Variants in GASK1B observed in about 807,000 individuals in gnomAD.
The protein encoded by GASK1B is golgi associated kinase 1B, also known as Golgi-associated kinase 1B.
A neutral mutation model predicts 42.8 loss-of-function variants in GASK1B; 34 were observed. The observed-to-expected ratio is 0.79, with a 90% CI of 0.60 to 1.06. GASK1B has a LOEUF of 1.06. GASK1B is among the 50% of genes least tolerant of loss of function. GASK1B has a pLI of 0.00. For missense variants in GASK1B, 686 were observed against 661.0 expected, an observed-to-expected ratio of 1.04 and a Z score of -0.42; for synonymous variants, 262 against 259.1, an observed-to-expected ratio of 1.01 and a Z score of -0.11.
At chr4:158,153,853 A>C (rs1731654114) in intron 3 of GASK1B, among the ~76,000 whole-genome samples, 1 of 152,142 alleles carries the variant, frequency 6.6e-6, no homozygotes, top group Non-Finnish European at 1.5e-5. Flanking sequence ...ACAAAAATCA[A>C]CTCAAGATGG....
In GASK1B at chr4:158,130,706, G is replaced by A. The variant is rs1730641387; in HGVS notation, c.1352+80C>T. The A allele has an allele frequency of 5.8e-6, 6 of 1,039,288 alleles. No homozygotes were observed. In the South Asian group the frequency reaches 9.0e-5, roughly 16 times the overall value. 64.4% of individuals were successfully genotyped at this position (1,039,288 alleles called of 1,614,324 possible). A position where few individuals can be genotyped will look rare whatever the true frequency, so the allele number is the denominator to read the frequency against. On this transcript the variant is annotated intron_variant, in intron 4 of 4. Transcript: ENST00000585682. The stretch of plus-strand genomic sequence containing the variant: ...TTTTCAAGGGTTAAAATGATCAGAT[G>A]TAAGATGTGAGTTTTCTCAGAACCT...
intron 3 of GASK1B, among the ~76,000 whole-genome samples, chr4:158,138,395 T>C (rs760532656): frequency 6.6e-6 from 1 of 152,192 alleles, no homozygotes; most frequent in Non-Finnish European, 1.5e-5. Flanking sequence ...TTCTGATTTA[T>C]AGAATGAATT....
At chr4:158,131,698 A>T (rs10012339) in intron 3 of GASK1B, among the ~76,000 whole-genome samples, 121,570 of 152,076 alleles carry the variant, frequency 0.8, 49,244 homozygotes, top group East Asian at 0.94. Context: ...TTCCATTTCC[A>T]TTGGGTAAGG....
At position 158,124,684 on chromosome 4, in the gene GASK1B, C is replaced by T. The variant is rs926688211; in HGVS notation, c.*2723G>A. 1 of 152,064 alleles carries T rather than the reference C, an allele frequency of 6.6e-6. No individual in the cohort carries two copies. Among genetic ancestry groups the T allele is most frequent in the African/African-American group, 2.4e-5 (1 of 41,428 alleles). 9.4% of individuals were successfully genotyped at this position (152,064 alleles called of 1,614,324 possible). ...GCTATGATTACAAGTCCAAAGATTA[C>T]AAATATAATGATGATATCAAATATA... On this transcript the variant is annotated 3_prime_UTR_variant, in exon 5 of 5. Coordinates refer to ENST00000585682, the MANE Select transcript of GASK1B (RefSeq NM_001128424.2).
chr4:158,143,775 GT>G (rs1416070589), intron 3 of GASK1B, among the ~76,000 whole-genome samples: 1 of 152,064 alleles, frequency 6.6e-6, no homozygotes, highest in African/African-American at 2.4e-5. Flanking sequence ...TAGACATCAA[GT>G]TTGAGAGGAT....
At chr4:158,146,433 C>A (rs1466758668) in intron 3 of GASK1B, among the ~76,000 whole-genome samples, 1 of 152,068 alleles carries the variant, frequency 6.6e-6, no homozygotes, top group Admixed American at 6.5e-5. Context: ...ATGCTCATTT[C>A]TGGATGATCA....
intron 2 of GASK1B, among the ~76,000 whole-genome samples, chr4:158,156,525 A>G (rs994762224): frequency 1.3e-5 from 2 of 152,152 alleles, no homozygotes; most frequent in African/African-American, 2.4e-5. Flanking sequence ...CTGTCACTCA[A>G]TTTGTTTTGT....
chr4:158,134,671 AT>A (rs764418241), intron 3 of GASK1B, among the ~76,000 whole-genome samples: 2 of 152,092 alleles, frequency 1.3e-5, no homozygotes, highest in Non-Finnish European at 2.9e-5. Flanking sequence ...TTCCAGCCAA[AT>A]TTTTTGGTGG....
At chr4:158,150,399 T>C (rs928926588) in intron 3 of GASK1B, among the ~76,000 whole-genome samples, 1 of 152,098 alleles carries the variant, frequency 6.6e-6, no homozygotes, top group Non-Finnish European at 1.5e-5. Context: ...TTAGAGTCTC[T>C]CAGCAGTGAC....
At chr4:158,143,068 T>C (rs1175483221) in intron 3 of GASK1B, among the ~76,000 whole-genome samples, 1 of 152,246 alleles carries the variant, frequency 6.6e-6, no homozygotes, top group Non-Finnish European at 1.5e-5. Context: ...ACTAAATCAC[T>C]GCTCAATTTT....
At chr4:158,157,259 A>G (rs1731791663) in intron 2 of GASK1B, among the ~76,000 whole-genome samples, 2 of 152,152 alleles carry the variant, frequency 1.3e-5, no homozygotes. Context: ...AATCATTGAT[A>G]CAAAACTAAG....
At chr4:158,139,319 G>T (rs2110949250) in intron 3 of GASK1B, among the ~76,000 whole-genome samples, 1 of 152,130 alleles carries the variant, frequency 6.6e-6, no homozygotes, top group East Asian at 1.9e-4. Flanking sequence ...AATGTTTGTT[G>T]AAAGAAATCA....
At position 158,170,577 on chromosome 4, in the gene GASK1B, G is replaced by T; in HGVS notation, c.799C>A (p.Leu267Ile). ...VLRCGPSPCG[L>I]LKQPLDMSEV... is the part of the protein sequence containing the mutation. ...CTCATGTCCAAGGGCTGCTTGAGAA[G>T]CCCACAGGGGCTAGGGCCACAGCGG... Residue 267 changes from leucine (L) to isoleucine (I), a missense_variant, in exon 2 of 5, where the codon CTT (leucine) becomes ATT (isoleucine). By Grantham distance (5) the Leu-to-Ile change is conservative. Coordinates refer to ENST00000585682, the MANE Select transcript of GASK1B (RefSeq NM_001128424.2). 2 of 1,614,120 alleles carry T rather than the reference G, an allele frequency of 1.2e-6. No individual in the cohort carries two copies. The highest frequency in any genetic ancestry group is 1.7e-6 in the Non-Finnish European group (2 of 1,180,040).
At chr4:158,165,340 T>C (rs1732188535) in intron 2 of GASK1B, among the ~76,000 whole-genome samples, 1 of 152,228 alleles carries the variant, frequency 6.6e-6, no homozygotes, top group Non-Finnish European at 1.5e-5. Context: ...ATATTTTCAC[T>C]TTTTAAATTA....
chr4:158,144,857 T>C (rs932751626), intron 3 of GASK1B, among the ~76,000 whole-genome samples: 6 of 152,228 alleles, frequency 3.9e-5, no homozygotes, highest in Non-Finnish European at 7.3e-5. Context: ...AATACATGGC[T>C]AGAGGTCATT....
Position 158,127,592 on chromosome 4 carries a change from C to T in GASK1B, c.1375G>A (p.Val459Ile), listed in dbSNP as rs757541102. 2.4e-5 allele frequency: 39 copies of T among 1,612,826 alleles called. No individual in the cohort carries two copies. Among genetic ancestry groups the T allele is most frequent in the Non-Finnish European group, 2.9e-5 (34 of 1,179,586 alleles). The change falls in exon 5 of 5, where the codon GTT (valine) becomes ATT (isoleucine). Residue 459 changes from valine to isoleucine, a missense_variant. Transcript: ENST00000585682. ...IKEFPASAVS[V>I]LKSQHLRQKL... The stretch of plus-strand genomic sequence containing the variant: ...TGCCGTAAGTGCTGGCTCTTCAAAA[C>T]AGAAACTGCAGAAGCTGGAAACCTG...
At chr4:158,133,112 A>G (rs956899829) in intron 3 of GASK1B, among the ~76,000 whole-genome samples, 12 of 152,216 alleles carry the variant, frequency 7.9e-5, no homozygotes, top group African/African-American at 2.7e-4. Context: ...ATGATATAAA[A>G]GAGACTGCAT....
At chr4:158,129,813 T>C (rs770126034) in intron 4 of GASK1B, among the ~76,000 whole-genome samples, 2 of 152,138 alleles carry the variant, frequency 1.3e-5, no homozygotes, top group Non-Finnish European at 2.9e-5. Flanking sequence ...CCTACCGCAG[T>C]CTCTTAGTCA....
Position 158,152,312 on chromosome 4 carries a change from A to C in GASK1B, c.1125+3299T>G, listed in dbSNP as rs1165788685. On this transcript the variant is annotated intron_variant, in intron 3 of 4. Coordinates refer to ENST00000585682, the MANE Select transcript of GASK1B (RefSeq NM_001128424.2). ...TCTTCATATATACATCAAACGTATT[A>C]GTTCTGTCCCTCTAGAGAACCCTAA... Among the ~76,000 whole-genome samples the C allele has an allele frequency of 2.6e-5, 4 of 152,190 alleles. No homozygotes were observed. In the East Asian group the frequency reaches 7.7e-4, roughly 29 times the overall value.
Sources: gnomAD v4.1 joint callset for allele counts (sites outside exome capture counted in the v4.1 genomes callset) on GRCh38, gnomAD v4.1.1 for gene constraint, MANE v1.5 for transcripts, NCBI Gene and HGNC (gene_info 2026-07-23, HGNC 2026-07-21) for gene names.